ELF4: variants seen among roughly 807,000 people sequenced by gnomAD.
ELF4 encodes the protein ETS-related transcription factor Elf-4.
In ELF4, 10 loss-of-function variants were observed where a neutral mutation model predicts 31.7. The ratio of observed to expected loss-of-function variants is 0.32; its 90% confidence interval spans 0.19 to 0.54. The LOEUF (loss-of-function observed/expected upper bound fraction) is 0.54. Among genes scored for constraint, ELF4 ranks in the 20% least tolerant of loss-of-function variants. The pLI is 0.95. For missense variants in ELF4, 418 were observed against 522.0 expected (o/e 0.80, Z 1.94); for synonymous variants, 208 against 226.7 (o/e 0.92, Z 0.74).
intron 1 of ELF4, among the ~76,000 whole-genome samples, chrX:130,097,425 A>T (rs2124631101): frequency 1.8e-5 from 2 of 110,612 alleles, no homozygotes; most frequent in South Asian, 7.7e-4. Flanking sequence ...CGACAGTGCA[A>T]GACTGTCTCA....
At chrX:130,106,744 A>G (rs1208838275) in intron 1 of ELF4, among the ~76,000 whole-genome samples, 1 of 111,995 alleles carries the variant, frequency 8.9e-6, no homozygotes, top group Non-Finnish European at 1.9e-5. Flanking sequence ...CAGCTTAGAA[A>G]TCCAGGAGAG....
intron 1 of ELF4, among the ~76,000 whole-genome samples, chrX:130,097,133 TAAA>T (rs754452744): frequency 1.3e-5 from 1 of 74,395 alleles, no homozygotes; most frequent in African/African-American, 5.2e-5. Flanking sequence ...CCATCTCTAT[TAAA>T]AAAAAAAAAA....
chrX:130,071,277 A>G (rs1771764860), intron 6 of ELF4, 45 bp from the exon 7 acceptor site: 14 of 1,208,188 alleles, frequency 1.2e-5, no homozygotes, highest in Non-Finnish European at 1.6e-5. Context: ...CAGCTGGGGC[A>G]CCCTGGCAGC....
At chrX:130,077,299 T>C (rs1481647908) in intron 2 of ELF4, among the ~76,000 whole-genome samples, 1 of 109,218 alleles carries the variant, frequency 9.2e-6, no homozygotes, top group Middle Eastern at 4.7e-3. Context: ...CAGAGAATTT[T>C]TTTTTTTTTT....
intron 1 of ELF4, among the ~76,000 whole-genome samples, chrX:130,109,633 G>A (rs1933438463): frequency 8.9e-6 from 1 of 111,863 alleles, no homozygotes; most frequent in Admixed American, 9.4e-5. Flanking sequence ...GTTAGGGTGC[G>A]GTGGAGGAGC....
intron 8 of ELF4, among the ~76,000 whole-genome samples, chrX:130,068,605 CAG>C (rs1230726645): frequency 5.3e-5 from 6 of 112,738 alleles, no homozygotes; most frequent in African/African-American, 1.9e-4. Context: ...CCAACCTTCT[CAG>C]GGAAAATCGG....
Position 130,064,248 on chromosome X carries a change from G to A in ELF4, c.*2473C>T, listed in dbSNP as rs758983113. Among the ~76,000 whole-genome samples the A allele has an allele frequency of 9.0e-6, 1 of 111,119 alleles. No individual in the cohort carries two copies. The highest frequency in any genetic ancestry group is 3.8e-4 in the South Asian group (1 of 2,664). The stretch of plus-strand genomic sequence containing the variant: ...AGGCCAGGAGTTCGAGACCAGCCTG[G>A]CCGAAATGGTGAAACCCTGGCTCTA... On this transcript the variant is annotated 3_prime_UTR_variant, in exon 9 of 9. Transcript: ENST00000308167.
At chrX:130,089,535 A>AC (rs1244671481) in intron 1 of ELF4, among the ~76,000 whole-genome samples, 1 of 105,545 alleles carries the variant, frequency 9.5e-6, no homozygotes, top group East Asian at 2.9e-4. Context: ...AAAAAAAAAA[A>AC]AACACCTCTC....
At chrX:130,078,618 A>G (rs1351329352) in intron 2 of ELF4, among the ~76,000 whole-genome samples, 2 of 110,995 alleles carry the variant, frequency 1.8e-5, no homozygotes, top group Middle Eastern at 4.6e-3. Flanking sequence ...TTAGCCAGGC[A>G]TGGTGATGCA....
rs1932787715 is a variant in ELF4, at chrX:130,071,487, G to T, written c.533-68C>A. The T allele has an allele frequency of 4.6e-6, 5 of 1,087,241 alleles. No homozygotes were observed. The Admixed American group carries it at 1.2e-4, about 25-fold the overall frequency. 89.6% of individuals were successfully genotyped at this position (1,087,241 alleles called of 1,213,427 possible). On this transcript the variant is annotated intron_variant, in intron 5 of 8. Coordinates refer to ENST00000308167, the MANE Select transcript of ELF4 (RefSeq NM_001421.4). Reference sequence around the variant, plus strand: ...GAGGGCCCGGGAGCTGGCCAAGTTGGCTGTGACAAAGCCAACAAGGAGGAG... The same window carrying T: ...GAGGGCCCGGGAGCTGGCCAAGTTGTCTGTGACAAAGCCAACAAGGAGGAG...
chrX:130,066,487 G>A lies in ELF4; in HGVS notation c.*234C>T, dbSNP rs917284463. ...TTTCCCTCCATCACCAAGTCAGCCC[G>A]TTATGCTGCCAAAAGCATATGCCCT... On this transcript the variant is annotated 3_prime_UTR_variant, in exon 9 of 9. Transcript: ENST00000308167. The A allele has an allele frequency of 7.2e-5, 28 of 390,605 alleles. No individual in the cohort carries two copies. In the South Asian group the frequency reaches 7.5e-4, roughly 11 times the overall value. The allele number at this position is 390,605 out of a possible 1,213,427, so 32.2% of individuals were successfully genotyped here.
At chrX:130,087,101 A>G (rs1932973379) in intron 1 of ELF4, among the ~76,000 whole-genome samples, 1 of 112,919 alleles carries the variant, frequency 8.9e-6, no homozygotes, top group African/African-American at 3.2e-5. Context: ...CTGCTCTGAG[A>G]AGGCCAAAAG....
chrX:130,091,305 G>A (rs1312019496), intron 1 of ELF4, among the ~76,000 whole-genome samples: 1 of 106,405 alleles, frequency 9.4e-6, no homozygotes, highest in Non-Finnish European at 1.9e-5. Context: ...GTGGGCGCCT[G>A]TAATCCCAGC....
At chrX:130,081,806 C>A (rs1227011640) in intron 1 of ELF4, among the ~76,000 whole-genome samples, 2 of 112,141 alleles carry the variant, frequency 1.8e-5, no homozygotes, top group Non-Finnish European at 3.8e-5. Flanking sequence ...GCATCGGCAT[C>A]TCGCACTAGT....
intron 8 of ELF4, among the ~76,000 whole-genome samples, chrX:130,068,632 G>A (rs1274948942): frequency 1.8e-5 from 2 of 112,810 alleles, no homozygotes; most frequent in Non-Finnish European, 3.8e-5. Flanking sequence ...CCCTTAGTGG[G>A]GATGAGAAGT....
chrX:130,067,595 C>G, intron 8 of ELF4, 70 bp from the exon 9 acceptor site: 2 of 1,039,297 alleles, frequency 1.9e-6, no homozygotes, highest in Non-Finnish European at 2.7e-6. Flanking sequence ...AAGGAGGGCA[C>G]GAGAGGAATG....
At chrX:130,104,376 A>T (rs981890822) in intron 1 of ELF4, among the ~76,000 whole-genome samples, 2 of 110,226 alleles carry the variant, frequency 1.8e-5, no homozygotes, top group African/African-American at 6.6e-5. Flanking sequence ...AAAAGCAGAA[A>T]AACCTGGAAA....
At chrX:130,098,102 G>GC (rs1456171469) in intron 1 of ELF4, among the ~76,000 whole-genome samples, 1 of 112,287 alleles carries the variant, frequency 8.9e-6, no homozygotes, top group African/African-American at 3.2e-5. Context: ...GCAGCCTGGA[G>GC]CCCCCCTGAG....
chrX:130,089,306 C>G (rs1481334212), intron 1 of ELF4, among the ~76,000 whole-genome samples: 2 of 107,117 alleles, frequency 1.9e-5, no homozygotes, highest in Non-Finnish European at 1.9e-5. Context: ...AGTTCGAGAC[C>G]AGCCTGGGCA....
Sources: gnomAD v4.1 joint callset for allele counts (sites outside exome capture counted in the v4.1 genomes callset) on GRCh38, gnomAD v4.1.1 for gene constraint, MANE v1.5 for transcripts, NCBI Gene and HGNC (gene_info 2026-07-23, HGNC 2026-07-21) for gene names.